DLG2: variants seen among roughly 807,000 people sequenced by gnomAD.
DLG2 encodes discs large MAGUK scaffold protein 2, also known as disks large homolog 2.
In DLG2, 45 loss-of-function variants were observed where a neutral mutation model predicts 132.5. That is an observed-to-expected ratio of 0.34 (90% CI 0.27 to 0.44). DLG2 has a LOEUF of 0.44. Among genes scored for constraint, DLG2 ranks in the 20% least tolerant of loss-of-function variants. The probability of loss-of-function intolerance (pLI) is 1.00; values close to 1 mark genes in which losing one functional copy is unlikely to be tolerated. For missense variants in DLG2, 1,045 were observed against 1,196.9 expected, an observed-to-expected ratio of 0.87 and a Z score of 1.87; for synonymous variants, 424 against 419.6, an observed-to-expected ratio of 1.01 and a Z score of -0.13.
At chr11:83,874,376 T>G in intron 16 of DLG2, 44 bp downstream of exon 16, 1 of 1,396,772 alleles carries the variant, frequency 7.2e-7, no homozygotes, top group Non-Finnish European at 9.8e-7. Context: ...AGACTTCATA[T>G]TCCAAGGCTG....
rs35941912 is a variant in DLG2, at chr11:85,377,784, C to CATATAT, written c.41-92425_41-92420dup. On this transcript the variant is annotated intron_variant, in intron 3 of 27. Coordinates refer to ENST00000376104, the MANE Select transcript of DLG2 (RefSeq NM_001142699.3). The stretch of plus-strand genomic sequence containing the variant: ...GCTAAGTGCAATTTGTGTGTGTATA[C>CATATAT]ATATATATATATATATATATGTGTG... 8.3e-3 allele frequency among the ~76,000 whole-genome samples: 1,079 copies of CATATAT among 130,218 alleles called. 8 individuals carry two copies. The highest frequency in any genetic ancestry group is 0.026 in the East Asian group (118 of 4,548). 85.4% of individuals were successfully genotyped at this position (130,218 alleles called of 152,430 possible).
intron 7 of DLG2, among the ~76,000 whole-genome samples, chr11:84,408,203 G>A (rs1376203629): frequency 2.0e-5 from 3 of 152,076 alleles, no homozygotes; most frequent in Non-Finnish European, 4.4e-5. Context: ...AACCAACGGG[G>A]GCAGAAGTGG....
At chr11:85,000,911 A>G (rs774376750) in intron 6 of DLG2, among the ~76,000 whole-genome samples, 7 of 152,154 alleles carry the variant, frequency 4.6e-5, no homozygotes, top group Non-Finnish European at 7.3e-5. Flanking sequence ...ATATAAGTAG[A>G]TGCATTTCAT....
chr11:84,621,049 A>G (rs2099613034), intron 6 of DLG2, among the ~76,000 whole-genome samples: 2 of 152,118 alleles, frequency 1.3e-5, no homozygotes, highest in South Asian at 4.1e-4. Flanking sequence ...TGACTTTTAA[A>G]AGCATTAATA....
chr11:83,603,347 T>C (rs890131069), intron 19 of DLG2, among the ~76,000 whole-genome samples: 4 of 152,110 alleles, frequency 2.6e-5, no homozygotes, highest in South Asian at 2.1e-4. Flanking sequence ...GGCCCATCCA[T>C]GTTGATGTAT....
intron 19 of DLG2, among the ~76,000 whole-genome samples, chr11:83,578,042 T>TGGTG (rs2096909251): frequency 7.5e-6 from 1 of 132,474 alleles, no homozygotes; most frequent in African/African-American, 2.8e-5. Flanking sequence ...GGGGTTTATT[T>TGGTG]TGTGTGTGTG....
At chr11:84,334,058 T>C in intron 7 of DLG2, among the ~76,000 whole-genome samples, 1 of 152,162 alleles carries the variant, frequency 6.6e-6, no homozygotes, top group Non-Finnish European at 1.5e-5. Context: ...CACATCCTCA[T>C]AATATGCAAA....
At chr11:85,169,494 G>A (rs764731466) in intron 4 of DLG2, among the ~76,000 whole-genome samples, 1 of 152,068 alleles carries the variant, frequency 6.6e-6, no homozygotes, top group Non-Finnish European at 1.5e-5. Flanking sequence ...TGCTTAAATA[G>A]CACCCTCTTC....
At chr11:83,912,739 T>C (rs1454929888) in intron 15 of DLG2, among the ~76,000 whole-genome samples, 4 of 152,166 alleles carry the variant, frequency 2.6e-5, no homozygotes, top group South Asian at 2.1e-4. Context: ...TATGTGTACA[T>C]TGCAAAGTTC....
intron 16 of DLG2, among the ~76,000 whole-genome samples, chr11:83,845,663 T>C (rs1409440875): frequency 6.6e-6 from 1 of 152,246 alleles, no homozygotes; most frequent in Non-Finnish European, 1.5e-5. Context: ...ACAGAGTTTA[T>C]ACTAAACATA....
chr11:85,146,227 CCTCTCTCTCT>C (rs35640163), intron 5 of DLG2, among the ~76,000 whole-genome samples: 48 of 129,204 alleles, frequency 3.7e-4, no homozygotes, highest in African/African-American at 1.0e-3. Context: ...TCTGTTTCTC[CCTCTCTCTCT>C]CTCTCTCTCT....
In DLG2 at chr11:84,013,436, G is replaced by T. The variant is rs531672032; in HGVS notation, c.920-32794C>A. On this transcript the variant is annotated intron_variant, in intron 11 of 27. Coordinates refer to ENST00000376104, the MANE Select transcript of DLG2 (RefSeq NM_001142699.3). ...AATAACTGCAGCATCAGTGAGAAGT[G>T]CTATATTTATGAAATATGTTTAAAT... Among the ~76,000 whole-genome samples, 5 of 152,250 alleles carry T rather than the reference G, an allele frequency of 3.3e-5. No individual in the cohort carries two copies. The South Asian group carries it at 1.0e-3, about 32-fold the overall frequency.
intron 8 of DLG2, among the ~76,000 whole-genome samples, chr11:84,204,146 G>A (rs942592414): frequency 5.3e-5 from 8 of 151,930 alleles, no homozygotes; most frequent in Non-Finnish European, 1.2e-4. Flanking sequence ...TAGTAGAGAC[G>A]GGGTTTCTCC....
intron 3 of DLG2, among the ~76,000 whole-genome samples, chr11:85,347,208 G>A (rs185658858): frequency 1.9e-4 from 29 of 152,088 alleles, no homozygotes; most frequent in African/African-American, 6.5e-4. Context: ...TTTGAAAACC[G>A]AAAGGCCTCA....
chr11:84,422,861 G>A (rs961204626), intron 7 of DLG2, among the ~76,000 whole-genome samples: 13 of 152,040 alleles, frequency 8.6e-5, no homozygotes, highest in Non-Finnish European at 1.9e-4. Flanking sequence ...TAAAGCTAAA[G>A]GTACTTAGTT....
intron 9 of DLG2, among the ~76,000 whole-genome samples, chr11:84,105,703 T>TA (rs971836562): frequency 6.6e-6 from 1 of 152,066 alleles, no homozygotes; most frequent in African/African-American, 2.4e-5. Context: ...AACAGCTAGA[T>TA]AAAAAAAGAC....
chr11:85,029,754 T>A (rs1371049951), intron 6 of DLG2, among the ~76,000 whole-genome samples: 1 of 152,216 alleles, frequency 6.6e-6, no homozygotes, highest in Admixed American at 6.5e-5. Flanking sequence ...CACTGAGTTT[T>A]GGCCAATTAA....
chr11:84,164,664 G>A (rs559249390), intron 8 of DLG2, among the ~76,000 whole-genome samples: 13 of 152,302 alleles, frequency 8.5e-5, no homozygotes, highest in African/African-American at 3.1e-4. Context: ...ATAGATATTT[G>A]TGGATTCTCT....
At chr11:83,734,509 G>A (rs1261017035) in intron 18 of DLG2, among the ~76,000 whole-genome samples, 1 of 151,702 alleles carries the variant, frequency 6.6e-6, no homozygotes, top group East Asian at 1.9e-4. Context: ...GGAGTGCAGT[G>A]GCACTATCTT....
Sources: gnomAD v4.1 joint callset for allele counts (sites outside exome capture counted in the v4.1 genomes callset) on GRCh38, gnomAD v4.1.1 for gene constraint, MANE v1.5 for transcripts, NCBI Gene and HGNC (gene_info 2026-07-23, HGNC 2026-07-21) for gene names.